Variants in MAP2K6 observed in about 807,000 individuals in gnomAD.
MAP2K6 encodes the protein dual specificity mitogen-activated protein kinase kinase 6.
MAP2K6 carries 16 observed loss-of-function variants against 53.7 expected under a neutral mutation model. That is an observed-to-expected ratio of 0.30 (90% CI 0.20 to 0.45). The LOEUF is 0.45. MAP2K6 is among the 20% of genes least tolerant of loss of function. The pLI is 1.00. For synonymous variants in MAP2K6, 132 were observed against 143.1 expected (o/e 0.92, Z 0.55); for missense variants, 204 against 411.9 (o/e 0.50, Z 4.37).
chr17:69,529,244 T>A (rs1295782966), intron 10 of MAP2K6, among the ~76,000 whole-genome samples: 2 of 152,194 alleles, frequency 1.3e-5, no homozygotes, highest in African/African-American at 4.8e-5. Context: ...AATATATTTT[T>A]AAATGTTCTC....
In MAP2K6 at chr17:69,494,920, G is replaced by T. The variant is rs917934873; in HGVS notation, c.17-10860G>T. Among the ~76,000 whole-genome samples, 7 of 151,858 alleles carry T rather than the reference G, an allele frequency of 4.6e-5. No homozygotes were observed. The highest frequency in any genetic ancestry group is 4.6e-4 in the Admixed American group (7 of 15,250). On this transcript the variant is annotated intron_variant, in intron 1 of 11. Coordinates refer to ENST00000590474, the MANE Select transcript of MAP2K6 (RefSeq NM_002758.4). This position sits in a 1 kb window ranked among gnomAD's most constrained non-coding sequence, Gnocchi z 4.2. Reference sequence around the variant, plus strand: ...CTCGGGAGGCTGAGATAGGAGCATCGCTTGAACCTGGGAGGTGGAGGTTGC... The same window carrying T: ...CTCGGGAGGCTGAGATAGGAGCATCTCTTGAACCTGGGAGGTGGAGGTTGC...
rs190073831 is a variant in MAP2K6 at position 69,494,102 on chromosome 17, C to T, written c.17-11678C>T. Among the ~76,000 whole-genome samples the T allele has an allele frequency of 1.5e-3, 229 of 151,980 alleles. No homozygotes were observed. Among genetic ancestry groups the T allele is most frequent in the Non-Finnish European group, 2.8e-3 (192 of 67,908 alleles). ...GTGAGTCAATAACAAGGGATAAGAGCAGCAGAATCCAGTGGAAAAAACTAC... is the reference window on the plus strand; with the variant it reads ...GTGAGTCAATAACAAGGGATAAGAGTAGCAGAATCCAGTGGAAAAAACTAC... On this transcript the variant is annotated intron_variant, in intron 1 of 11. Transcript: ENST00000590474. This position sits in a 1 kb window ranked among gnomAD's most constrained non-coding sequence, Gnocchi z 4.2.
intron 1 of MAP2K6, among the ~76,000 whole-genome samples, chr17:69,498,027 C>T (rs12946094): frequency 0.39 from 30,791 of 78,194 alleles, 3,288 homozygotes; most frequent in Middle Eastern, 0.5. Context: ...CACACATACC[C>T]GCTGTTATTA....
intron 1 of MAP2K6, among the ~76,000 whole-genome samples, chr17:69,451,561 T>C (rs767880078): frequency 2.6e-5 from 4 of 152,202 alleles, no homozygotes; most frequent in Non-Finnish European, 5.9e-5. Flanking sequence ...GAGATTTGCA[T>C]ACAGGAAGTT....
At chr17:69,520,231 TCATCC>T (rs1598306390) in intron 5 of MAP2K6, 34 bp from the exon 6 acceptor site, 1 of 1,028,070 alleles carries the variant, frequency 9.7e-7, no homozygotes, top group Non-Finnish European at 1.5e-6. Context: ...TCTCCCTTTT[TCATCC>T]TTTTAAACAA....
intron 7 of MAP2K6, chr17:69,521,355 A>G (rs567524870): frequency 2.4e-5 from 9 of 381,686 alleles, no homozygotes; most frequent in South Asian, 2.2e-4. Flanking sequence ...AAGCAGAGCT[A>G]TGAGATCATA....
At chr17:69,445,051 G>A (rs905244193) in intron 1 of MAP2K6, among the ~76,000 whole-genome samples, 5 of 152,190 alleles carry the variant, frequency 3.3e-5, no homozygotes, top group African/African-American at 1.2e-4. Context: ...CTCCCAAGTA[G>A]CTGAGATTAC....
At chr17:69,426,501 TCTTC>T (rs1257587614) in intron 1 of MAP2K6, among the ~76,000 whole-genome samples, 1 of 152,232 alleles carries the variant, frequency 6.6e-6, no homozygotes, top group Non-Finnish European at 1.5e-5. Flanking sequence ...TTTGCTTCAC[TCTTC>T]CTTTCCTTCC....
intron 1 of MAP2K6, among the ~76,000 whole-genome samples, chr17:69,486,047 T>C (rs549649377): frequency 2.5e-4 from 38 of 152,174 alleles, no homozygotes; most frequent in Non-Finnish European, 4.9e-4. Flanking sequence ...GAGACCAGAG[T>C]TACAAAGCAA....
intron 1 of MAP2K6, among the ~76,000 whole-genome samples, chr17:69,484,122 G>T (rs1567834819): frequency 6.6e-6 from 1 of 151,956 alleles, no homozygotes. Context: ...TTTTTCTGTG[G>T]CAAAGACACA....
At chr17:69,503,322 A>G (rs1023498480) in intron 1 of MAP2K6, among the ~76,000 whole-genome samples, 1 of 152,228 alleles carries the variant, frequency 6.6e-6, no homozygotes, top group African/African-American at 2.4e-5. Flanking sequence ...GAATTAGGCC[A>G]TATATCTATT....
At chr17:69,509,167 A>G (rs1439939477) in intron 2 of MAP2K6, among the ~76,000 whole-genome samples, 2 of 152,130 alleles carry the variant, frequency 1.3e-5, no homozygotes, top group African/African-American at 2.4e-5. Context: ...TTTTAGTAGG[A>G]ATTGTGTTTA....
chr17:69,463,951 G>A (rs1045832948), intron 1 of MAP2K6, among the ~76,000 whole-genome samples: 3 of 151,658 alleles, frequency 2.0e-5, no homozygotes, highest in Non-Finnish European at 4.4e-5. Flanking sequence ...CCTGGGAGGC[G>A]GAGGTTGCAG....
intron 2 of MAP2K6, among the ~76,000 whole-genome samples, chr17:69,510,672 T>C (rs564794271): frequency 2.0e-5 from 3 of 152,298 alleles, no homozygotes; most frequent in African/African-American, 7.2e-5. Context: ...TCATCATGGC[T>C]GAGTTTTGGT....
chr17:69,527,844 G>C (rs1458497689), intron 10 of MAP2K6, among the ~76,000 whole-genome samples: 1 of 152,128 alleles, frequency 6.6e-6, no homozygotes, highest in Non-Finnish European at 1.5e-5. Flanking sequence ...CTGTGAGGCA[G>C]GGCACCCGCG....
chr17:69,421,928 C>T (rs1906096226), intron 1 of MAP2K6, among the ~76,000 whole-genome samples: 1 of 151,936 alleles, frequency 6.6e-6, no homozygotes, highest in South Asian at 2.1e-4. Context: ...TGATTCTTCA[C>T]TTCCTCCTTG....
At chr17:69,538,690 T>C (rs1911474981) in intron 11 of MAP2K6, among the ~76,000 whole-genome samples, 1 of 152,216 alleles carries the variant, frequency 6.6e-6, no homozygotes, top group Admixed American at 6.5e-5. Context: ...AAATCCCAAA[T>C]GTTTCTCTCC....
rs748599291 is a variant in MAP2K6, at chr17:69,536,098, A to AT, written c.882-8dup. On this transcript the variant is annotated splice_polypyrimidine_tract_variant and intron_variant, in intron 10 of 11. Transcript: ENST00000590474. ...ATATGGCTTCTAGATTTTAATGATT[A>AT]TTTTTTTTTCTTTAAGCTTAAAGAA... The AT allele has an allele frequency of 1.5e-3, 2,203 of 1,513,018 alleles. No individual in the cohort carries two copies. Among genetic ancestry groups the AT allele is most frequent in the Non-Finnish European group, 1.8e-3 (1,921 of 1,095,112 alleles). The allele number at this position is 1,513,018 out of a possible 1,614,324, so 93.7% of individuals were successfully genotyped here. A position where few individuals can be genotyped will look rare whatever the true frequency, so the allele number is the denominator to read the frequency against.
At chr17:69,475,591 A>G (rs370393241) in intron 1 of MAP2K6, among the ~76,000 whole-genome samples, 1 of 152,208 alleles carries the variant, frequency 6.6e-6, no homozygotes, top group South Asian at 2.1e-4. Flanking sequence ...TTTATATATA[A>G]CTTCAGAAGT....
Sources: gnomAD v4.1 joint callset for allele counts (sites outside exome capture counted in the v4.1 genomes callset) on GRCh38, gnomAD v4.1.1 for gene constraint, Gnocchi (gnomAD v3.1) non-coding constraint, MANE v1.5 for transcripts, NCBI Gene and HGNC (gene_info 2026-07-23, HGNC 2026-07-21) for gene names.